ZNF407: variants seen among roughly 807,000 people sequenced by gnomAD.
ZNF407 encodes zinc finger protein 407.
Under a neutral mutation model 131.2 loss-of-function variants are expected in ZNF407, and 17 were observed. The ratio of observed to expected loss-of-function variants is 0.13; its 90% CI spans 0.09 to 0.19. The LOEUF (loss-of-function observed/expected upper bound fraction) is 0.19. Ranked by LOEUF, ZNF407 falls within the 10% of genes least tolerant of loss-of-function variation. The probability of loss-of-function intolerance (pLI) is 1.00; values close to 1 mark genes in which losing one functional copy is unlikely to be tolerated. For synonymous variants in ZNF407, 1,156 were observed against 1,062.0 expected, an observed-to-expected ratio of 1.09 and a Z score of -1.72; for missense variants, 2,681 against 2,830.6, an observed-to-expected ratio of 0.95 and a Z score of 1.20.
At chr18:74,870,952 T>TA (rs1473989480) in intron 4 of ZNF407, among the ~76,000 whole-genome samples, 1 of 152,234 alleles carries the variant, frequency 6.6e-6, no homozygotes, top group Non-Finnish European at 1.5e-5. Context: ...AAAGTGTGCT[T>TA]AAAGTCTACA....
At chr18:74,682,208 G>A (rs1487596704) in intron 3 of ZNF407, among the ~76,000 whole-genome samples, 1 of 152,154 alleles carries the variant, frequency 6.6e-6, no homozygotes, top group African/African-American at 2.4e-5. Context: ...ACTGGATGTC[G>A]AGTCAGTTGC....
chr18:74,981,217 G>T (rs758616889), intron 8 of ZNF407, among the ~76,000 whole-genome samples: 1 of 152,210 alleles, frequency 6.6e-6, no homozygotes, highest in African/African-American at 2.4e-5. Flanking sequence ...TAGTGCAGAG[G>T]CACCCCCGTC....
At chr18:74,617,658 C>T (rs1290282442) in intron 1 of ZNF407, among the ~76,000 whole-genome samples, 23 of 152,100 alleles carry the variant, frequency 1.5e-4, no homozygotes, top group African/African-American at 5.6e-4. Flanking sequence ...ATGTCATGCC[C>T]TTCTCAGGGG....
intron 1 of ZNF407, chr18:74,598,276 C>T (rs984743469): frequency 6.6e-6 from 1 of 152,432 alleles, no homozygotes; most frequent in Admixed American, 6.5e-5. Context: ...GCTCCGCGCC[C>T]TTGCGCGAGC....
At chr18:74,890,891 A>T (rs1971375135) in intron 7 of ZNF407, among the ~76,000 whole-genome samples, 1 of 152,160 alleles carries the variant, frequency 6.6e-6, no homozygotes, top group Non-Finnish European at 1.5e-5. Context: ...TTCGGAAAGG[A>T]TGAGGAGGGG....
chr18:75,011,707 C>T (rs776223164), intron 8 of ZNF407, among the ~76,000 whole-genome samples: 3 of 152,068 alleles, frequency 2.0e-5, no homozygotes, highest in Non-Finnish European at 4.4e-5. Flanking sequence ...TCAAAATAAG[C>T]TCTACTTAAG....
intron 4 of ZNF407, among the ~76,000 whole-genome samples, chr18:74,820,925 A>G (rs1325460982): frequency 1.3e-5 from 2 of 152,140 alleles, no homozygotes; most frequent in Admixed American, 6.5e-5. Context: ...GTGATACTCT[A>G]CAACGTCTGG....
chr18:74,851,814 C>G (rs893375799), intron 4 of ZNF407, among the ~76,000 whole-genome samples: 43 of 152,168 alleles, frequency 2.8e-4, no homozygotes, highest in African/African-American at 9.4e-4. Flanking sequence ...CAAAACGATG[C>G]AAAGTGCCCT....
chr18:74,802,611 A>G (rs973489104), intron 4 of ZNF407, among the ~76,000 whole-genome samples: 2 of 152,054 alleles, frequency 1.3e-5, no homozygotes, highest in Non-Finnish European at 2.9e-5. Flanking sequence ...CAGTTCGAAA[A>G]TTTTTCTCTT....
chr18:74,726,227 C>T (rs958948610), intron 3 of ZNF407, among the ~76,000 whole-genome samples: 3 of 152,132 alleles, frequency 2.0e-5, no homozygotes, highest in African/African-American at 4.8e-5. Context: ...ATGTAGACTG[C>T]CTCTATGCTT....
chr18:74,632,563 C>G lies in ZNF407; in HGVS notation c.1544C>G (p.Ser515Cys), dbSNP rs759868825. 6.2e-7 allele frequency: 1 copy of G among 1,613,928 alleles called. No individual in the cohort carries two copies. The highest frequency in any genetic ancestry group is 1.3e-5 in the African/African-American group (1 of 74,946). ...SARPPDSGLH[S>C]LTVKPASGSQ... ...CGTCCTCCGGACTCCGGGCTGCATT[C>G]CCTGACAGTGAAGCCAGCTTCTGGC... The change falls in exon 2 of 9, where the codon TCC becomes TGC. Residue 515 changes from serine (S) to cysteine (C), a missense_variant. Transcript: ENST00000299687.
At chr18:74,726,292 G>A (rs759313165) in intron 3 of ZNF407, among the ~76,000 whole-genome samples, 7 of 152,106 alleles carry the variant, frequency 4.6e-5, no homozygotes, top group Middle Eastern at 3.2e-3. Context: ...ACCCCATGAT[G>A]AATCATCTTA....
At chr18:74,598,194 C>G (rs948811018) in intron 1 of ZNF407, 1 of 152,380 alleles carries the variant, frequency 6.6e-6, no homozygotes, top group Non-Finnish European at 1.5e-5. Flanking sequence ...CGCCGCCCTC[C>G]TCCCCCAGGC....
chr18:74,920,864 G>T, intron 8 of ZNF407, 172 bp downstream of exon 8: 1 of 1,270,012 alleles, frequency 7.9e-7, no homozygotes, highest in Non-Finnish European at 1.0e-6. Context: ...ACTCAACTAT[G>T]AAAACAGGAC....
At position 74,864,720 on chromosome 18, in the gene ZNF407, T is replaced by C. The variant is rs117278009; in HGVS notation, c.4878-12477T>C. 4.8e-3 allele frequency among the ~76,000 whole-genome samples: 736 copies of C among 152,240 alleles called. 3 individuals carry two copies. Among genetic ancestry groups the C allele is most frequent in the Non-Finnish European group, 8.9e-3 (608 of 68,006 alleles). On this transcript the variant is annotated intron_variant, in intron 4 of 8. Transcript: ENST00000299687. ...AGTGTGTGAATATGAAAGTAGAAAATAATTGAAGTGTTAATGTTTATGAGG... is the reference window on the plus strand; with the variant it reads ...AGTGTGTGAATATGAAAGTAGAAAACAATTGAAGTGTTAATGTTTATGAGG...
At chr18:74,878,587 T>C (rs761762276) in intron 5 of ZNF407, among the ~76,000 whole-genome samples, 4 of 152,122 alleles carry the variant, frequency 2.6e-5, no homozygotes, top group Non-Finnish European at 4.4e-5. Context: ...ATTTTTGTTG[T>C]TAGGTCTTGT....
chr18:74,898,477 A>C (rs1971482081), intron 7 of ZNF407: 1 of 152,256 alleles, frequency 6.6e-6, no homozygotes, highest in Admixed American at 6.5e-5. Flanking sequence ...GCAAGTGAGC[A>C]ATAATTCAAA....
In ZNF407 at chr18:74,631,830, C is replaced by G; in HGVS notation, c.811C>G (p.Arg271Gly). The change falls in exon 2 of 9, where the codon CGT becomes GGT. Residue 271 changes from arginine (R) to glycine (G), a missense_variant. This residue lies in a region of ZNF407 where 1,789 missense variants were observed against 1,748.7 expected (regional missense o/e 1.02). Transcript: ENST00000299687. ...TTATCTTGGCAAAACACATCTCCGT[C>G]GTCAGAATCTGGCTGCTCGTGGAGG... Reference protein sequence around the residue: ...AHYLGKTHLRRQNLAARGGFV... With the variant: ...AHYLGKTHLRGQNLAARGGFV... 1 of 1,614,018 alleles carries G rather than the reference C, an allele frequency of 6.2e-7. No individual in the cohort carries two copies. Among genetic ancestry groups the G allele is most frequent in the Non-Finnish European group, 8.5e-7 (1 of 1,179,900 alleles).
intron 1 of ZNF407, among the ~76,000 whole-genome samples, chr18:74,599,502 G>C (rs1197921600): frequency 1.3e-5 from 2 of 152,146 alleles, no homozygotes; most frequent in Non-Finnish European, 2.9e-5. Context: ...TTGAGATCTG[G>C]TTGAATAGAC....
Sources: gnomAD v4.1 joint callset for allele counts (sites outside exome capture counted in the v4.1 genomes callset) on GRCh38, gnomAD v4.1.1 for gene constraint, gnomAD v4.1.1 regional missense constraint, MANE v1.5 for transcripts, NCBI Gene and HGNC (gene_info 2026-07-23, HGNC 2026-07-21) for gene names.